Variants in EGLN1 observed in about 807,000 individuals in gnomAD.
The protein encoded by EGLN1 is egl-9 family hypoxia inducible factor 1, also known as egl nine homolog 1.
In EGLN1, 17 loss-of-function variants were observed where a neutral mutation model predicts 38.3. That is an observed-to-expected ratio of 0.44 (90% CI 0.30 to 0.67). EGLN1 has a LOEUF of 0.67. Ranked by LOEUF, EGLN1 falls within the 30% of genes least tolerant of loss-of-function variation. The pLI is 0.08. For missense variants in EGLN1, 477 were observed against 603.3 expected, an observed-to-expected ratio of 0.79 and a Z score of 2.19; for synonymous variants, 283 against 257.5, an observed-to-expected ratio of 1.10 and a Z score of -0.95.
intron 2 of EGLN1, 43 bp downstream of exon 2, chr1:231,373,937 G>GA (rs1413818116): frequency 1.2e-6 from 2 of 1,609,056 alleles, no homozygotes; most frequent in African/African-American, 1.3e-5. Context: ...TTGAGAAAAA[G>GA]ACACCTGTAA....
At chr1:231,389,884 G>C (rs1688323167) in intron 1 of EGLN1, among the ~76,000 whole-genome samples, 1 of 152,126 alleles carries the variant, frequency 6.6e-6, no homozygotes, top group Non-Finnish European at 1.5e-5. Flanking sequence ...GGAGGCAGAG[G>C]TTGCAGTGAA....
At chr1:231,386,117 G>GTTT (rs35724479) in intron 1 of EGLN1, among the ~76,000 whole-genome samples, 1 of 149,526 alleles carries the variant, frequency 6.7e-6, no homozygotes, top group Non-Finnish European at 1.5e-5. Flanking sequence ...TGCCCGGCTG[G>GTTT]TTTTTTTTTT....
intron 1 of EGLN1, among the ~76,000 whole-genome samples, chr1:231,394,965 T>C (rs1227164662): frequency 6.6e-6 from 1 of 152,176 alleles, no homozygotes; most frequent in East Asian, 1.9e-4. Flanking sequence ...TTAATATGCA[T>C]ACAAATCACC....
At chr1:231,381,945 TC>T (rs890356187) in intron 1 of EGLN1, among the ~76,000 whole-genome samples, 2 of 152,152 alleles carry the variant, frequency 1.3e-5, no homozygotes, top group African/African-American at 4.8e-5. Context: ...CTCAGCTTGA[TC>T]CCCACCCAGG....
chr1:231,367,264 G>A (rs565625484), intron 4 of EGLN1, among the ~76,000 whole-genome samples: 117 of 152,278 alleles, frequency 7.7e-4, no homozygotes, highest in Non-Finnish European at 1.3e-3. Context: ...CCATATGGCC[G>A]TTACCTAGAG....
rs372357675 is a variant in EGLN1, at chr1:231,391,334, G to C, written c.892-17235C>G. On this transcript the variant is annotated intron_variant, in intron 1 of 4. Transcript: ENST00000366641. Reference sequence around the variant, plus strand: ...TATACATCCATAAGGCAGTGCTTCTGATCTAGCAGAGATTTAAAATAAAAA... The same window carrying C: ...TATACATCCATAAGGCAGTGCTTCTCATCTAGCAGAGATTTAAAATAAAAA... 3.4e-4 allele frequency among the ~76,000 whole-genome samples: 52 copies of C among 152,132 alleles called. 1 individual carries two copies. In the East Asian group the frequency reaches 5.4e-3, roughly 16 times the overall value.
rs1347788984 is a variant in EGLN1, at chr1:231,421,668, T to C, written c.221A>G (p.His74Arg). Residue 74 changes from histidine (H) to arginine (R), a missense_variant, in exon 1 of 5, where the codon CAT becomes CGT. By Grantham distance (29) the His-to-Arg change is conservative. Transcript: ENST00000366641. The surrounding 1 kb of genome is among the most constrained non-coding windows in gnomAD (Gnocchi z 5.5). The stretch of plus-strand genomic sequence containing the variant: ...TGCAGCCGGCGGCGCGGGGCCGGAA[T>C]GCTGGTGTGGGCCCACTCCGTGGCC... ...ALGHGVGPHQ[H>R]SGPAPPAAVP... 6.8e-7 allele frequency: 1 copy of C among 1,472,888 alleles called. No individual in the cohort carries two copies. Among genetic ancestry groups the C allele is most frequent in the Non-Finnish European group, 9.0e-7 (1 of 1,117,074 alleles). The allele number at this position is 1,472,888 out of a possible 1,614,324, so 91.2% of individuals were successfully genotyped here.
intron 1 of EGLN1, among the ~76,000 whole-genome samples, chr1:231,380,696 G>T (rs1688062003): frequency 6.6e-6 from 1 of 152,086 alleles, no homozygotes; most frequent in East Asian, 1.9e-4. Context: ...TACTGGCTTT[G>T]TATGAGTGCA....
At chr1:231,401,012 C>G (rs1397640462) in intron 1 of EGLN1, among the ~76,000 whole-genome samples, 1 of 152,008 alleles carries the variant, frequency 6.6e-6, no homozygotes, top group Non-Finnish European at 1.5e-5. Context: ...GATCGAGCCT[C>G]TGCACTCCAG....
At chr1:231,389,186 T>TA (rs1572031908) in intron 1 of EGLN1, among the ~76,000 whole-genome samples, 1 of 152,236 alleles carries the variant, frequency 6.6e-6, no homozygotes, top group East Asian at 1.9e-4. Context: ...AACCATACTA[T>TA]ACAGAAGTAA....
chr1:231,398,966 C>G (rs1178884578), intron 1 of EGLN1, among the ~76,000 whole-genome samples: 2 of 152,148 alleles, frequency 1.3e-5, no homozygotes, highest in African/African-American at 4.8e-5. Context: ...CAGCAGGTTT[C>G]AGAAGGAAGA....
intron 1 of EGLN1, among the ~76,000 whole-genome samples, chr1:231,410,142 G>C (rs1688900496): frequency 6.6e-6 from 1 of 152,198 alleles, no homozygotes; most frequent in South Asian, 2.1e-4. Context: ...ATATGGAATG[G>C]AAAGTCACCT....
Position 231,369,653 on chromosome 1 carries a change from A to T in EGLN1, c.1148+909T>A. ...CTCAGAAGGCAGGAAGAAAAAAGGCACAGCTGATAATCAAGTCGTTAGAGT... is the reference window on the plus strand; with the variant it reads ...CTCAGAAGGCAGGAAGAAAAAAGGCTCAGCTGATAATCAAGTCGTTAGAGT... On this transcript the variant is annotated intron_variant, in intron 3 of 4. Transcript: ENST00000366641. 3 of 929,490 alleles carry T rather than the reference A, an allele frequency of 3.2e-6. No homozygotes were observed. In the South Asian group the frequency reaches 1.5e-4, roughly 46 times the overall value. 57.6% of individuals were successfully genotyped at this position (929,490 alleles called of 1,614,324 possible).
At chr1:231,418,390 T>C (rs1052734316) in intron 1 of EGLN1, among the ~76,000 whole-genome samples, 1 of 152,222 alleles carries the variant, frequency 6.6e-6, no homozygotes, top group Non-Finnish European at 1.5e-5. Context: ...CTAAATAATC[T>C]ACATCTCATT....
At chr1:231,376,910 T>A (rs1687974251) in intron 1 of EGLN1, among the ~76,000 whole-genome samples, 1 of 152,156 alleles carries the variant, frequency 6.6e-6, no homozygotes. Context: ...CAGGCCAGTG[T>A]GGCTGGAACA....
Position 231,422,133 on chromosome 1 carries a change from T to A in EGLN1, c.-245A>T. On this transcript the variant is annotated 5_prime_UTR_variant, in exon 1 of 5. Transcript: ENST00000366641. ...TCATCGCCGCCGAGGGCTGAGAGAA[T>A]AGGGCCTGTGCGGCGAATGGCAACC... 3.1e-6 allele frequency: 1 copy of A among 322,116 alleles called. No homozygotes were observed. Among genetic ancestry groups the A allele is most frequent in the Non-Finnish European group, 5.6e-6 (1 of 179,748 alleles). 20.0% of individuals were successfully genotyped at this position (322,116 alleles called of 1,614,324 possible).
chr1:231,373,885 GTGTC>G (rs929987183), intron 2 of EGLN1, 91 bp downstream of exon 2: 2 of 1,447,976 alleles, frequency 1.4e-6, no homozygotes, highest in African/African-American at 1.4e-5. Context: ...ATTTTTAACT[GTGTC>G]TGTGACAGTC....
chr1:231,383,010 A>C (rs1023651002), intron 1 of EGLN1, among the ~76,000 whole-genome samples: 4 of 142,494 alleles, frequency 2.8e-5, no homozygotes, highest in Non-Finnish European at 4.5e-5. Context: ...GTGAGCCGAC[A>C]TCGCACCACT....
Position 231,392,226 on chromosome 1 carries a change from G to A in EGLN1, c.892-18127C>T, listed in dbSNP as rs1005634041. On this transcript the variant is annotated intron_variant, in intron 1 of 4. Transcript: ENST00000366641. ...GGCGTGAACCTGGGAGGTGGAGCTT[G>A]CAGTTAGCCGAGATCGCGCCACTGC... is the stretch of plus-strand genomic sequence containing the variant. Among the ~76,000 whole-genome samples, 5 of 152,234 alleles carry A rather than the reference G, an allele frequency of 3.3e-5. 1 individual carries two copies. Among genetic ancestry groups the A allele is most frequent in the Admixed American group, 2.0e-4 (3 of 15,298 alleles).
Sources: gnomAD v4.1 joint callset for allele counts (sites outside exome capture counted in the v4.1 genomes callset) on GRCh38, gnomAD v4.1.1 for gene constraint, Gnocchi (gnomAD v3.1) non-coding constraint, MANE v1.5 for transcripts, NCBI Gene and HGNC (gene_info 2026-07-23, HGNC 2026-07-21) for gene names.